DAPK1: variants seen among roughly 807,000 people sequenced by gnomAD.
The protein encoded by DAPK1 is death associated protein kinase 1.
Under a neutral mutation model 144.9 loss-of-function variants are expected in DAPK1, and 56 were observed. That is an observed-to-expected ratio of 0.39 (90% CI 0.31 to 0.48). The LOEUF (loss-of-function observed/expected upper bound fraction) is 0.48. Ranked by LOEUF, DAPK1 falls within the 20% of genes least tolerant of loss-of-function variation. The pLI is 0.95. For synonymous variants in DAPK1, 690 were observed against 749.0 expected (o/e 0.92, Z 1.29); for missense variants, 1,454 against 1,875.4 (o/e 0.78, Z 4.15).
rs527637681 is a variant in DAPK1, at chr9:87,512,666, C to T, written c.62+13527C>T. On this transcript the variant is annotated intron_variant, in intron 2 of 25. Coordinates refer to ENST00000408954, the MANE Select transcript of DAPK1 (RefSeq NM_004938.4). Reference sequence around the variant, plus strand: ...AGAGGCTGCTTTCTTTTTTTTGAGACGGAGTCTTGCCCTGTCGCCCAGGCT... The same window carrying T: ...AGAGGCTGCTTTCTTTTTTTTGAGATGGAGTCTTGCCCTGTCGCCCAGGCT... 9.2e-5 allele frequency among the ~76,000 whole-genome samples: 14 copies of T among 151,584 alleles called. No homozygotes were observed. In the East Asian group the frequency reaches 9.7e-4, roughly 11 times the overall value.
chr9:87,555,489 C>G (rs1187119833), intron 2 of DAPK1, among the ~76,000 whole-genome samples: 2 of 151,626 alleles, frequency 1.3e-5, no homozygotes, highest in African/African-American at 4.9e-5. Flanking sequence ...TCATGAAGCA[C>G]TTTATTTTAT....
At chr9:87,501,471 G>A (rs1345867469) in intron 2 of DAPK1, among the ~76,000 whole-genome samples, 1 of 152,218 alleles carries the variant, frequency 6.6e-6, no homozygotes, top group African/African-American at 2.4e-5. Context: ...CCTGAACCTG[G>A]GAGGCGGAGG....
intron 15 of DAPK1, 45 bp downstream of exon 15, chr9:87,648,924 A>G (rs754141146): frequency 2.0e-6 from 3 of 1,508,900 alleles, no homozygotes; most frequent in Non-Finnish European, 2.8e-6. Flanking sequence ...CTATACATGA[A>G]TGTACAGGCA....
chr9:87,535,581 T>C (rs1042639993), intron 2 of DAPK1, among the ~76,000 whole-genome samples: 6 of 152,146 alleles, frequency 3.9e-5, no homozygotes, highest in East Asian at 3.8e-4. Flanking sequence ...GATTTTTTTT[T>C]CTCCAAGAAA....
intron 11 of DAPK1, among the ~76,000 whole-genome samples, chr9:87,644,588 AGAG>A (rs1411406746): frequency 1.3e-5 from 2 of 152,162 alleles, no homozygotes; most frequent in African/African-American, 4.8e-5. Flanking sequence ...AAGAGAGAGA[AGAG>A]GAGGCTTTGT....
intron 21 of DAPK1, among the ~76,000 whole-genome samples, chr9:87,689,231 G>T (rs561699134): frequency 1.3e-5 from 2 of 152,230 alleles, no homozygotes; most frequent in East Asian, 3.9e-4. Flanking sequence ...CTTTGTCGCA[G>T]ATTGGGTGGC....
chr9:87,607,348 A>G (rs987942076), intron 3 of DAPK1, among the ~76,000 whole-genome samples: 1 of 152,108 alleles, frequency 6.6e-6, no homozygotes, highest in Non-Finnish European at 1.5e-5. Context: ...AAACATAACA[A>G]ATCACAACTA....
intron 2 of DAPK1, among the ~76,000 whole-genome samples, chr9:87,537,144 G>T (rs952251683): frequency 6.6e-6 from 1 of 151,944 alleles, no homozygotes; most frequent in South Asian, 2.1e-4. Flanking sequence ...CTGCCACCAC[G>T]CCTGGCTAAT....
At chr9:87,546,556 T>C (rs1214954542) in intron 2 of DAPK1, among the ~76,000 whole-genome samples, 1 of 152,340 alleles carries the variant, frequency 6.6e-6, no homozygotes, top group East Asian at 1.9e-4. Context: ...CCACTAGTTC[T>C]GGGAGGGGCA....
Position 87,707,172 on chromosome 9 carries a change from C to G in DAPK1, c.4101C>G (p.Thr1367=). Residue 1367 remains threonine, a synonymous_variant, in exon 26 of 26, where the codon ACC becomes ACG. Coordinates refer to ENST00000408954, the MANE Select transcript of DAPK1 (RefSeq NM_004938.4). This position sits in a 1 kb window ranked among gnomAD's most constrained non-coding sequence, Gnocchi z 4.0. ...PLHALLREWT[T]YPESTVGTLM... ...ACGCCCTGCTGCGGGAATGGACCAC[C>G]TACCCTGAGAGCACAGTGGGCACCC... is the stretch of plus-strand genomic sequence containing the variant. The G allele has an allele frequency of 6.2e-7, 1 of 1,614,012 alleles. No homozygotes were observed. The highest frequency in any genetic ancestry group is 8.5e-7 in the Non-Finnish European group (1 of 1,179,882).
intron 3 of DAPK1, among the ~76,000 whole-genome samples, chr9:87,612,028 T>C (rs74344780): frequency 0.034 from 5,147 of 152,294 alleles, 120 homozygotes; most frequent in Middle Eastern, 0.058. Context: ...ATGTGAGTCT[T>C]CTTACTGTCA....
intron 2 of DAPK1, among the ~76,000 whole-genome samples, chr9:87,510,830 T>C (rs1375230432): frequency 6.6e-6 from 1 of 152,198 alleles, no homozygotes; most frequent in East Asian, 1.9e-4. Context: ...TGAGATTTAG[T>C]TTTTCTCATC....
In DAPK1 at chr9:87,658,117, C is replaced by T; in HGVS notation, c.1913C>T (p.Ala638Val). 3 of 1,398,368 alleles carry T rather than the reference C, an allele frequency of 2.1e-6. No individual in the cohort carries two copies. Among genetic ancestry groups the T allele is most frequent in the South Asian group, 2.3e-5 (2 of 85,606 alleles). The allele number at this position is 1,398,368 out of a possible 1,614,324, so 86.6% of individuals were successfully genotyped here. A position where few individuals can be genotyped will look rare whatever the true frequency, so the allele number is the denominator to read the frequency against. The change falls in exon 18 of 26, where the codon GCG becomes GTG. Residue 638 changes from alanine to valine, a missense_variant. This residue lies in a region of DAPK1 where 1,025 missense variants were observed against 1,237.9 expected (regional missense o/e 0.83). Coordinates refer to ENST00000408954, the MANE Select transcript of DAPK1 (RefSeq NM_004938.4). ...YLCLMGASVE[A>V]LTTDGKTAED... Reference sequence around the variant, plus strand: ...TGTCTGATGGGAGCCAGCGTTGAGGCGCTGACCACGGTGAGTGCCCACAGG... The same window carrying T: ...TGTCTGATGGGAGCCAGCGTTGAGGTGCTGACCACGGTGAGTGCCCACAGG...
At chr9:87,632,814 G>C in intron 3 of DAPK1, 1 of 977,442 alleles carries the variant, frequency 1.0e-6, no homozygotes, top group Non-Finnish European at 1.2e-6. Context: ...GGATGAAGGA[G>C]GTTGAGTACA....
At chr9:87,528,510 G>C (rs921490626) in intron 2 of DAPK1, among the ~76,000 whole-genome samples, 4 of 152,016 alleles carry the variant, frequency 2.6e-5, no homozygotes, top group Non-Finnish European at 5.9e-5. Context: ...GAGCCACCAC[G>C]CCCGGCCTAC....
At chr9:87,640,521 G>T (rs903476781) in intron 8 of DAPK1, 71 bp downstream of exon 8, 22 of 1,494,164 alleles carry the variant, frequency 1.5e-5, no homozygotes, top group African/African-American at 2.8e-5. Flanking sequence ...TCTGTTCCAT[G>T]CACAGGGCCA....
chr9:87,698,612 GT>G, intron 22 of DAPK1, 43 bp from the exon 23 acceptor site: 1 of 1,407,250 alleles, frequency 7.1e-7, no homozygotes, highest in Non-Finnish European at 1.0e-6. Flanking sequence ...AGGCAGCCAG[GT>G]AGGAGGACCC....
At chr9:87,681,703 G>A (rs865886507) in intron 20 of DAPK1, 77 bp downstream of exon 20, 1 of 791,968 alleles carries the variant, frequency 1.3e-6, no homozygotes, top group Non-Finnish European at 2.2e-6. Context: ...GTCTAGGGGG[G>A]AAGGGAGTTG....
At chr9:87,582,943 A>G (rs13283048) in intron 2 of DAPK1, among the ~76,000 whole-genome samples, 5,177 of 152,168 alleles carry the variant, frequency 0.034, 133 homozygotes, top group African/African-American at 0.072. Context: ...CAGCAGCAGC[A>G]GTAGCTGCTG....
Sources: gnomAD v4.1 joint callset for allele counts (sites outside exome capture counted in the v4.1 genomes callset) on GRCh38, gnomAD v4.1.1 for gene constraint, gnomAD v4.1.1 regional missense constraint, Gnocchi (gnomAD v3.1) non-coding constraint, MANE v1.5 for transcripts, NCBI Gene and HGNC (gene_info 2026-07-23, HGNC 2026-07-21) for gene names.